The following GABBR2 variants were observed in gnomAD, a reference collection of about 807,000 sequenced individuals.
GABBR2 encodes gamma-aminobutyric acid type B receptor subunit 2, also known as G-protein coupled receptor 51.
In GABBR2, 23 loss-of-function variants were observed where a neutral mutation model predicts 105.6. The observed-to-expected ratio is 0.22, with a 90% CI of 0.16 to 0.31. The LOEUF is 0.31. Among genes scored for constraint, GABBR2 ranks in the 10% least tolerant of loss-of-function variants. GABBR2 has a pLI of 1.00. For missense variants in GABBR2, 734 were observed against 1,245.5 expected (o/e 0.59, Z 6.18); for synonymous variants, 478 against 499.7 (o/e 0.96, Z 0.58).
intron 3 of GABBR2, among the ~76,000 whole-genome samples, chr9:98,499,123 C>T (rs751327184): frequency 6.6e-6 from 1 of 152,254 alleles, no homozygotes; most frequent in South Asian, 2.1e-4. Flanking sequence ...GCTTTGTAAA[C>T]TCTAAAGTTC....
intron 11 of GABBR2, among the ~76,000 whole-genome samples, chr9:98,382,398 C>T (rs1051748611): frequency 9.2e-5 from 14 of 152,146 alleles, no homozygotes; most frequent in African/African-American, 3.4e-4. Flanking sequence ...ACTGCAAGCT[C>T]CGCCTCCCAG....
intron 1 of GABBR2, among the ~76,000 whole-genome samples, chr9:98,669,485 C>T (rs947703180): frequency 3.9e-5 from 6 of 152,168 alleles, no homozygotes; most frequent in Admixed American, 6.5e-5. Context: ...TCAATCATTT[C>T]ACATTCTAAT....
intron 11 of GABBR2, 38 bp from the exon 12 acceptor site, chr9:98,371,609 T>G (rs985051862): frequency 9.7e-6 from 11 of 1,130,874 alleles, no homozygotes; most frequent in Non-Finnish European, 1.4e-5. Flanking sequence ...TGACCTTCCT[T>G]AGGTAGACAG....
intron 1 of GABBR2, among the ~76,000 whole-genome samples, chr9:98,613,657 A>G (rs1195213890): frequency 1.3e-5 from 2 of 152,222 alleles, no homozygotes; most frequent in Non-Finnish European, 2.9e-5. Flanking sequence ...CAAAAGACAA[A>G]TTCTGCAGGG....
chr9:98,689,021 C>T (rs1461501130), intron 1 of GABBR2, among the ~76,000 whole-genome samples: 1 of 152,202 alleles, frequency 6.6e-6, no homozygotes, highest in Non-Finnish European at 1.5e-5. Flanking sequence ...GAGGAGGTCA[C>T]CACTATCATG....
intron 4 of GABBR2, among the ~76,000 whole-genome samples, chr9:98,489,270 A>G (rs1324817078): frequency 5.3e-5 from 8 of 152,192 alleles, no homozygotes; most frequent in Non-Finnish European, 1.5e-5. Context: ...TCCTCCTTTG[A>G]TGTTGAAGCA....
intron 3 of GABBR2, among the ~76,000 whole-genome samples, chr9:98,497,883 C>G (rs1048865077): frequency 6.6e-6 from 1 of 152,186 alleles, no homozygotes; most frequent in Non-Finnish European, 1.5e-5. Flanking sequence ...CTTCTGGGCA[C>G]GTACCCAAAA....
chr9:98,607,402 T>C, intron 1 of GABBR2: 1 of 655,090 alleles, frequency 1.5e-6, no homozygotes. Context: ...ATCTCACTTA[T>C]TGCCACAGAA....
chr9:98,450,401 A>G (rs1261766721), intron 7 of GABBR2, among the ~76,000 whole-genome samples: 2 of 152,084 alleles, frequency 1.3e-5, no homozygotes, highest in African/African-American at 2.4e-5. Context: ...TTTTAACGAA[A>G]CCTGTCTACA....
chr9:98,652,246 C>T (rs1588269804), intron 1 of GABBR2, among the ~76,000 whole-genome samples: 1 of 152,138 alleles, frequency 6.6e-6, no homozygotes, highest in African/African-American at 2.4e-5. Context: ...GAATTCCAGT[C>T]TCAAGACCTA....
At position 98,352,278 on chromosome 9, in the gene GABBR2, T is replaced by C. The variant is rs544583475; in HGVS notation, c.1893+10437A>G. ...GTGCCAGTCCTCAGGTCCCCAGGTA[T>C]TGTGTGTGGACATCAGAAGTGTCAA... On this transcript the variant is annotated intron_variant, in intron 13 of 18. Coordinates refer to ENST00000259455, the MANE Select transcript of GABBR2 (RefSeq NM_005458.8). Among the ~76,000 whole-genome samples, 5 of 152,074 alleles carry C rather than the reference T, an allele frequency of 3.3e-5. No homozygotes were observed. The South Asian group carries it at 1.0e-3, about 32-fold the overall frequency.
chr9:98,403,754 A>T (rs547357769), intron 8 of GABBR2, among the ~76,000 whole-genome samples: 1,304 of 128,294 alleles, frequency 0.01, 3 homozygotes, highest in Non-Finnish European at 0.012. Context: ...GAGAAAAAAA[A>T]AAATATATAT....
chr9:98,292,982 C>G (rs1447529664), intron 18 of GABBR2, among the ~76,000 whole-genome samples: 1 of 152,172 alleles, frequency 6.6e-6, no homozygotes, highest in Non-Finnish European at 1.5e-5. Context: ...TGTAAGCTGG[C>G]CAGGCCTTGG....
chr9:98,306,719 C>T lies in GABBR2; in HGVS notation c.2005-374G>A. The T allele has an allele frequency of 3.9e-6, 1 of 254,286 alleles. No homozygotes were observed. The highest frequency in any genetic ancestry group is 6.2e-5 in the South Asian group (1 of 16,244). The allele number at this position is 254,286 out of a possible 1,614,324, so 15.8% of individuals were successfully genotyped here. A position where few individuals can be genotyped will look rare whatever the true frequency, so the allele number is the denominator to read the frequency against. On this transcript the variant is annotated intron_variant, in intron 14 of 18. Coordinates refer to ENST00000259455, the MANE Select transcript of GABBR2 (RefSeq NM_005458.8). This position sits in a 1 kb window ranked among gnomAD's most constrained non-coding sequence, Gnocchi z 5.4. ...GGGTGAAGAGGTCTGCCCAAGGCCG[C>T]ACAGCAATATGGTAGCAAAAATGGG... is the stretch of plus-strand genomic sequence containing the variant.
At chr9:98,575,087 A>C (rs865869606) in intron 2 of GABBR2, among the ~76,000 whole-genome samples, 18 of 150,240 alleles carry the variant, frequency 1.2e-4, no homozygotes, top group African/African-American at 3.2e-4. Context: ...AAACACCACC[A>C]CCCCCCCCCA....
At chr9:98,299,374 T>G (rs575095060) in intron 16 of GABBR2, 21 bp from the exon 17 acceptor site, 1 of 1,613,512 alleles carries the variant, frequency 6.2e-7, no homozygotes, top group Non-Finnish European at 8.5e-7. Flanking sequence ...AAGGTTCCAG[T>G]TGAGTCAGGT....
At chr9:98,423,245 C>G (rs1298296163) in intron 7 of GABBR2, among the ~76,000 whole-genome samples, 15 of 152,178 alleles carry the variant, frequency 9.9e-5, no homozygotes, top group Non-Finnish European at 2.1e-4. Flanking sequence ...AAAAGTGTTC[C>G]TATTTCTCCA....
intron 7 of GABBR2, among the ~76,000 whole-genome samples, chr9:98,411,533 G>A (rs1832590345): frequency 6.6e-6 from 1 of 151,536 alleles, no homozygotes; most frequent in Non-Finnish European, 1.5e-5. Flanking sequence ...AACTGTTATT[G>A]TAATGCCTTG....
intron 1 of GABBR2, among the ~76,000 whole-genome samples, chr9:98,586,229 G>A (rs1564122731): frequency 6.6e-6 from 1 of 151,622 alleles, no homozygotes; most frequent in Non-Finnish European, 1.5e-5. Context: ...CCTTTACCCA[G>A]GGGGAGCCCC....
Sources: allele counts gnomAD v4.1 joint callset (sites outside exome capture counted in the v4.1 genomes callset), GRCh38; gene constraint gnomAD v4.1.1; non-coding constraint Gnocchi (gnomAD v3.1); transcripts MANE v1.5; gene names NCBI Gene and HGNC (gene_info 2026-07-23, HGNC 2026-07-21).